PLEKHM2: variants seen among roughly 807,000 people sequenced by gnomAD.
PLEKHM2 encodes pleckstrin homology domain-containing family M member 2.
A neutral mutation model predicts 116.3 loss-of-function variants in PLEKHM2; 77 were observed. The observed-to-expected ratio is 0.66, with a 90% CI of 0.55 to 0.80. The LOEUF (loss-of-function observed/expected upper bound fraction) is 0.80. Among genes scored for constraint, PLEKHM2 ranks in the 30% least tolerant of loss-of-function variants. The pLI, the probability that PLEKHM2 is intolerant of heterozygous loss-of-function variation, is 0.00. For synonymous variants in PLEKHM2, 562 were observed against 571.0 expected (o/e 0.98, Z 0.22); for missense variants, 1,183 against 1,354.9 (o/e 0.87, Z 1.99).
intron 1 of PLEKHM2, among the ~76,000 whole-genome samples, chr1:15,709,953 C>T (rs750294195): frequency 3.9e-5 from 6 of 152,132 alleles, no homozygotes; most frequent in South Asian, 2.1e-4. Context: ...AAGCCGGGCG[C>T]GGTGGCTCAT....
intron 1 of PLEKHM2, among the ~76,000 whole-genome samples, chr1:15,710,063 A>G (rs139459290): frequency 0.01 from 1,558 of 151,582 alleles, 29 homozygotes; most frequent in African/African-American, 0.034. Flanking sequence ...TCTCCACTAA[A>G]AAAAATACAA....
upstream of PLEKHM2, among the ~76,000 whole-genome samples, chr1:15,681,998 A>G (rs1464145516): frequency 6.6e-6 from 1 of 152,140 alleles, no homozygotes; most frequent in Admixed American, 6.6e-5. Flanking sequence ...TGAGCTCAGG[A>G]GTTCAAGACC....
chr1:15,694,725 A>G (rs1385432895), intron 1 of PLEKHM2, among the ~76,000 whole-genome samples: 1 of 150,980 alleles, frequency 6.6e-6, no homozygotes, highest in East Asian at 1.9e-4. Context: ...CTCTACACAG[A>G]TATTCTCCTC....
rs74961665 is a variant in PLEKHM2, at chr1:15,688,959, A to C, written c.60+4341A>C. On this transcript the variant is annotated intron_variant, in intron 1 of 19. Coordinates refer to ENST00000375799, the MANE Select transcript of PLEKHM2 (RefSeq NM_015164.4). Reference sequence around the variant, plus strand: ...GCAAAGACTATATGCCATAAGAAGCAACCTCCTGGCCAGGCGCGGTGGCTC... The same window carrying C: ...GCAAAGACTATATGCCATAAGAAGCCACCTCCTGGCCAGGCGCGGTGGCTC... 2.5e-3 allele frequency among the ~76,000 whole-genome samples: 377 copies of C among 151,936 alleles called. 5 individuals are homozygous for C. The highest frequency in any genetic ancestry group is 4.0e-3 in the Non-Finnish European group (275 of 67,922).
At chr1:15,694,533 G>T (rs562527335) in intron 1 of PLEKHM2, among the ~76,000 whole-genome samples, 1 of 152,138 alleles carries the variant, frequency 6.6e-6, no homozygotes, top group South Asian at 2.1e-4. Flanking sequence ...TATCCTCCTT[G>T]GTGTTGCTCA....
intron 1 of PLEKHM2, among the ~76,000 whole-genome samples, chr1:15,686,077 C>T (rs1640763587): frequency 1.3e-5 from 2 of 152,144 alleles, no homozygotes; most frequent in Non-Finnish European, 2.9e-5. Context: ...GATGGAGAGG[C>T]AGTAGACATG....
rs556244462 is a variant in PLEKHM2, at chr1:15,728,223, C to T, written c.1831-44C>T. On this transcript the variant is annotated intron_variant, in intron 10 of 19. Coordinates refer to ENST00000375799, the MANE Select transcript of PLEKHM2 (RefSeq NM_015164.4). This position sits in a 1 kb window ranked among gnomAD's most constrained non-coding sequence, Gnocchi z 5.9. ...GGATGGGCCACCGCCCCCGCTGGAGCGGCAGGAGCCACCTGCCTGACCCTT... is the reference window on the plus strand; with the variant it reads ...GGATGGGCCACCGCCCCCGCTGGAGTGGCAGGAGCCACCTGCCTGACCCTT... 38 of 1,599,342 alleles carry T rather than the reference C, an allele frequency of 2.4e-5. No individual in the cohort carries two copies. The highest frequency in any genetic ancestry group is 2.2e-4 in the Admixed American group (13 of 59,644).
intron 19 of PLEKHM2, 97 bp from the exon 20 acceptor site, chr1:15,733,700 C>T (rs2148383354): frequency 2.2e-6 from 3 of 1,349,860 alleles, no homozygotes; most frequent in South Asian, 1.4e-5. Context: ...GACAGGGGCT[C>T]CGTGGCCAAG....
chr1:15,720,510 A>G (rs555340390), intron 6 of PLEKHM2: 104 of 983,288 alleles, frequency 1.1e-4, no homozygotes, highest in South Asian at 3.8e-4. Flanking sequence ...TCTTGACCCA[A>G]TGATTTACTG....
intron 1 of PLEKHM2, among the ~76,000 whole-genome samples, chr1:15,702,193 G>A (rs1199239144): frequency 6.6e-6 from 1 of 152,220 alleles, no homozygotes; most frequent in African/African-American, 2.4e-5. Flanking sequence ...AAGGTGGGCA[G>A]TGGCATGTCA....
intron 8 of PLEKHM2, 75 bp downstream of exon 8, chr1:15,725,620 TC>T: frequency 9.0e-7 from 1 of 1,105,838 alleles, no homozygotes. Flanking sequence ...CAGCTGTTCA[TC>T]CAGGGCAGAC....
At chr1:15,694,999 C>T (rs988167880) in intron 1 of PLEKHM2, among the ~76,000 whole-genome samples, 8 of 152,190 alleles carry the variant, frequency 5.3e-5, no homozygotes, top group Admixed American at 2.0e-4. Context: ...ATCAAGTGAT[C>T]CACCTGCCTT....
chr1:15,732,788 C>T (rs199844957), intron 19 of PLEKHM2, 60 bp downstream of exon 19: 71 of 1,148,134 alleles, frequency 6.2e-5, no homozygotes, highest in African/African-American at 4.7e-4. Context: ...AGCCACTCCC[C>T]GGGGAGAGGA....
At chr1:15,706,201 G>A (rs748929935) in intron 1 of PLEKHM2, among the ~76,000 whole-genome samples, 26 of 152,178 alleles carry the variant, frequency 1.7e-4, no homozygotes, top group Non-Finnish European at 3.5e-4. Flanking sequence ...CCCCTCGCAC[G>A]GCCTGTGTGG....
intron 1 of PLEKHM2, among the ~76,000 whole-genome samples, chr1:15,702,199 T>C (rs897789160): frequency 6.6e-6 from 1 of 152,150 alleles, no homozygotes; most frequent in African/African-American, 2.4e-5. Flanking sequence ...GGCAGTGGCA[T>C]GTCACTTTCC....
chr1:15,705,074 C>T (rs908365795), intron 1 of PLEKHM2, among the ~76,000 whole-genome samples: 12 of 152,054 alleles, frequency 7.9e-5, no homozygotes, highest in African/African-American at 2.9e-4. Flanking sequence ...CCTCCTGCTG[C>T]ACACTCACGG....
chr1:15,699,718 A>G (rs1056413690), intron 1 of PLEKHM2, among the ~76,000 whole-genome samples: 2 of 152,276 alleles, frequency 1.3e-5, no homozygotes, highest in South Asian at 4.1e-4. Flanking sequence ...TGGGCCGGGT[A>G]TGATGATAAG....
chr1:15,722,956 C>T (rs1446571530), intron 7 of PLEKHM2: 1 of 152,146 alleles, frequency 6.6e-6, no homozygotes, highest in Admixed American at 6.5e-5. Context: ...GAACTAACAG[C>T]CCAGTTGCAC....
chr1:15,700,582 C>G (rs1641089981), intron 1 of PLEKHM2, among the ~76,000 whole-genome samples: 1 of 152,198 alleles, frequency 6.6e-6, no homozygotes, highest in Non-Finnish European at 1.5e-5. Context: ...CTCCCTCTCC[C>G]TCTCCTTAAC....
Sources: gnomAD v4.1 joint callset for allele counts (sites outside exome capture counted in the v4.1 genomes callset) on GRCh38, gnomAD v4.1.1 for gene constraint, Gnocchi (gnomAD v3.1) non-coding constraint, MANE v1.5 for transcripts, NCBI Gene and HGNC (gene_info 2026-07-23, HGNC 2026-07-21) for gene names.